MUC5B: variants seen among roughly 807,000 people sequenced by gnomAD.
MUC5B encodes mucin 5B, oligomeric mucus/gel-forming.
In MUC5B, 116 loss-of-function variants were observed where a neutral mutation model predicts 376.9. That is an observed-to-expected ratio of 0.31 (90% CI 0.26 to 0.36). The LOEUF (loss-of-function observed/expected upper bound fraction) is 0.36, where lower values mean the gene tolerates loss of function less well. MUC5B is among the 10% of genes least tolerant of loss of function. MUC5B has a pLI of 1.00. For synonymous variants in MUC5B, 3,517 were observed against 3,390.9 expected, an observed-to-expected ratio of 1.04 and a Z score of -1.29; for missense variants, 7,165 against 7,769.9, an observed-to-expected ratio of 0.92 and a Z score of 2.93.
At position 1,234,483 on chromosome 11, in the gene MUC5B, C is replaced by A; in HGVS notation, c.2479-46C>A. 1.3e-6 allele frequency: 2 copies of A among 1,552,498 alleles called. No homozygotes were observed. The highest frequency in any genetic ancestry group is 1.2e-5 in the South Asian group (1 of 83,886). ...GTCCCAGAGGGTGAGTGACATCTGC[C>A]CACCCTGGTGTCCAGCCCTGACCGG... On this transcript the variant is annotated intron_variant, in intron 20 of 48. Transcript: ENST00000529681. This position sits in a 1 kb window ranked among gnomAD's most constrained non-coding sequence, Gnocchi z 6.3.
rs139052978 is a variant in MUC5B, at chr11:1,245,928, G to A, written c.9048G>A (p.Pro3016=). 0.023 allele frequency: 36,908 copies of A among 1,608,322 alleles called. 599 individuals are homozygous for A. Among genetic ancestry groups the A allele is most frequent in the Non-Finnish European group, 0.027 (31,523 of 1,177,904 alleles). Reference sequence around the variant, plus strand: ...CCACGGCCATCCCGTCCTCCACCCCGGGAACAGCTCCCCCTCCCAAAGTGC... The same window carrying A: ...CCACGGCCATCCCGTCCTCCACCCCAGGAACAGCTCCCCCTCCCAAAGTGC... ...TGSTAIPSST[P]GTAPPPKVLT... The change falls in exon 31 of 49, where the codon CCG becomes CCA. Residue 3016 remains proline (P), a synonymous_variant. Transcript: ENST00000529681.
At chr11:1,239,112 C>T in intron 26 of MUC5B, 85 bp downstream of exon 26, 1 of 1,487,900 alleles carries the variant, frequency 6.7e-7, no homozygotes, top group Non-Finnish European at 9.1e-7. Flanking sequence ...GGTGCATTGA[C>T]CTGGGCCTGA....
chr11:1,242,695 C>T lies in MUC5B; in HGVS notation c.5815C>T (p.Leu1939=). The T allele has an allele frequency of 1.2e-6, 2 of 1,613,720 alleles. No individual in the cohort carries two copies. Among genetic ancestry groups the T allele is most frequent in the Non-Finnish European group, 1.7e-6 (2 of 1,179,782 alleles). ...GAGAACAGCTCCCCCTCCCAAAGTG[C>T]TGACCACCACGGCCACCACACCCAC... The part of the protein sequence containing the change: ...TLRTAPPPKV[L]TTTATTPTVT... The change falls in exon 31 of 49, where the codon CTG becomes TTG. Residue 1939 remains leucine (L), a synonymous_variant. Coordinates refer to ENST00000529681, the MANE Select transcript of MUC5B (RefSeq NM_002458.3).
Position 1,231,018 on chromosome 11 carries a change from C to A in MUC5B, c.1540+13C>A, listed in dbSNP as rs1431757120. On this transcript the variant is annotated intron_variant, in intron 13 of 48. Transcript: ENST00000529681. Reference sequence around the variant, plus strand: ...CCCCTGTCGGCAGGTATGTGGCTCTCCCAGGACGGCCGGGCTGGGTGGCGC... The same window carrying A: ...CCCCTGTCGGCAGGTATGTGGCTCTACCAGGACGGCCGGGCTGGGTGGCGC... 6.3e-7 allele frequency: 1 copy of A among 1,578,866 alleles called. No individual in the cohort carries two copies.
chr11:1,234,819 C>A lies in MUC5B; in HGVS notation c.2630+139C>A. 1 of 1,149,886 alleles carries A rather than the reference C, an allele frequency of 8.7e-7. No individual in the cohort carries two copies. The highest frequency in any genetic ancestry group is 1.2e-6 in the Non-Finnish European group (1 of 836,826). The allele number at this position is 1,149,886 out of a possible 1,614,324, so 71.2% of individuals were successfully genotyped here. A position where few individuals can be genotyped will look rare whatever the true frequency, so the allele number is the denominator to read the frequency against. On this transcript the variant is annotated intron_variant, in intron 21 of 48. Transcript: ENST00000529681. The surrounding 1 kb of genome is among the most constrained non-coding windows in gnomAD (Gnocchi z 6.3). ...TGGCCAGGGTGAGGTGGGGCCGTGG[C>A]AGGAGAGAGAGTTGCTAGGAAAGCC...
chr11:1,230,701 T>TC (rs1198990194), intron 12 of MUC5B, 101 bp downstream of exon 12: 1 of 1,080,358 alleles, frequency 9.3e-7, no homozygotes, highest in East Asian at 2.7e-5. Context: ...CGAGGCCAGG[T>TC]CCCCCCTCCA....
At chr11:1,239,388 G>A in intron 26 of MUC5B, 50 bp from the exon 27 acceptor site, 1 of 1,568,280 alleles carries the variant, frequency 6.4e-7, no homozygotes, top group Non-Finnish European at 8.7e-7. Context: ...CTGCACAACA[G>A]GGGTGAGGGC....
Position 1,242,860 on chromosome 11 carries a change from C to T in MUC5B, c.5980C>T (p.Arg1994Cys), listed in dbSNP as rs1410463916. 3.0e-5 allele frequency: 48 copies of T among 1,613,236 alleles called. No homozygotes were observed. The highest frequency in any genetic ancestry group is 1.0e-4 in the Admixed American group (6 of 59,972). The part of the protein sequence containing the change: ...PSSSLGTTWT[R>C]LSQTTTPTAT... ...TTCCTCCCTGGGCACCACCTGGACC[C>T]GCCTATCACAGACCACCACACCCAC... Residue 1994 changes from arginine (R) to cysteine (C), a missense_variant, in exon 31 of 49, where the codon CGC (arginine) becomes TGC (cysteine). By Grantham distance (180) the Arg-to-Cys change is radical. Coordinates refer to ENST00000529681, the MANE Select transcript of MUC5B (RefSeq NM_002458.3).
chr11:1,231,030 G>C (rs757637514), intron 13 of MUC5B, 25 bp downstream of exon 13: 1 of 1,561,412 alleles, frequency 6.4e-7, no homozygotes, highest in East Asian at 2.4e-5. Flanking sequence ...CAGGACGGCC[G>C]GGCTGGGTGG....
intron 1 of MUC5B, chr11:1,223,433 A>C: frequency 6.8e-6 from 4 of 586,720 alleles, no homozygotes; most frequent in East Asian, 3.4e-5. Context: ...TGGGCCCCTG[A>C]CCGCAGGGCA....
chr11:1,252,276 T>C, intron 31 of MUC5B, 67 bp from the exon 32 acceptor site: 1 of 1,458,070 alleles, frequency 6.9e-7, no homozygotes, highest in Non-Finnish European at 9.2e-7. Context: ...CTGCCTTTGC[T>C]CTCCCAGAAC....
At position 1,259,768 on chromosome 11, in the gene MUC5B, AAG is replaced by A; in HGVS notation, c.16731_16732del (p.Arg5577SerfsTer26). ...NTTCPQGFEY[K>X]RVAGQCCGEC... ...CATGTCCCCACAGGGCTTTGAGTACAAGAGAGTGGCCGGGCAGTGCTGTGGGG... is the reference window on the plus strand; with the variant it reads ...CATGTCCCCACAGGGCTTTGAGTACAAGAGTGGCCGGGCAGTGCTGTGGGG... On this transcript the variant is annotated frameshift_variant, in exon 45 of 49. Transcript: ENST00000529681. LOFTEE classifies it high-confidence loss of function. The A allele has an allele frequency of 6.2e-7, 1 of 1,612,422 alleles. No individual in the cohort carries two copies. The highest frequency in any genetic ancestry group is 8.5e-7 in the Non-Finnish European group (1 of 1,179,646).
Position 1,257,121 on chromosome 11 carries a change from C to T in MUC5B, c.16238-119C>T. On this transcript the variant is annotated intron_variant, in intron 39 of 48. Transcript: ENST00000529681. The surrounding 1 kb of genome is among the most constrained non-coding windows in gnomAD (Gnocchi z 8.9). ...CCACATCTGACACCCCAAAAGTTCTCCAGGGCCTTCCATCCCGGGGGGAAG... is the reference window on the plus strand; with the variant it reads ...CCACATCTGACACCCCAAAAGTTCTTCAGGGCCTTCCATCCCGGGGGGAAG... 1 of 722,978 alleles carries T rather than the reference C, an allele frequency of 1.4e-6. No homozygotes were observed. The highest frequency in any genetic ancestry group is 2.6e-6 in the Non-Finnish European group (1 of 388,008). 44.8% of individuals were successfully genotyped at this position (722,978 alleles called of 1,614,324 possible).
Position 1,247,390 on chromosome 11 carries a change from C to T in MUC5B, c.10510C>T (p.His3504Tyr). The T allele has an allele frequency of 6.2e-7, 1 of 1,610,166 alleles. No homozygotes were observed. The highest frequency in any genetic ancestry group is 8.5e-7 in the Non-Finnish European group (1 of 1,179,032). ...AGCAGCAACCACCAGTACCACCCAG[C>T]ACTCGACTCCAGCCCTGTCCAGCCC... is the stretch of plus-strand genomic sequence containing the variant. Reference protein sequence around the residue: ...TPAATTSTTQHSTPALSSPHP... With the variant: ...TPAATTSTTQYSTPALSSPHP... Residue 3504 changes from histidine to tyrosine, a missense_variant, in exon 31 of 49, where the codon CAC (histidine) becomes TAC (tyrosine). His to Tyr is a moderately conservative substitution (Grantham distance 83). Around this residue, in one of 31 missense-constraint regions of MUC5B, gnomAD observed 939 missense variants for 770.6 expected, o/e 1.22. Coordinates refer to ENST00000529681, the MANE Select transcript of MUC5B (RefSeq NM_002458.3).
At chr11:1,230,842 C>T in intron 12 of MUC5B, 94 bp from the exon 13 acceptor site, 1 of 1,433,386 alleles carries the variant, frequency 7.0e-7, no homozygotes, top group Non-Finnish European at 9.6e-7. Context: ...GGGCTCTGTC[C>T]CCAGTGGGGG....
chr11:1,232,576 G>A (rs1442161252), intron 16 of MUC5B, 32 bp downstream of exon 16: 1 of 1,604,504 alleles, frequency 6.2e-7, no homozygotes, highest in Non-Finnish European at 8.5e-7. Flanking sequence ...CCCACGCCTG[G>A]GCAGGATGGG....
Position 1,232,682 on chromosome 11 carries a change from G to A in MUC5B, c.1977G>A (p.Glu659=), listed in dbSNP as rs1423899284. 6.2e-7 allele frequency: 1 copy of A among 1,600,618 alleles called. No homozygotes were observed. The highest frequency in any genetic ancestry group is 1.7e-5 in the Admixed American group (1 of 58,288). The change falls in exon 17 of 49, where the codon GAG becomes GAA. Residue 659 remains glutamate (E), a synonymous_variant. Transcript: ENST00000529681. ...MFDTCNCERS[E]DCLCAALSSY... is the part of the protein sequence containing the mutation. The stretch of plus-strand genomic sequence containing the variant: ...ACACCTGCAACTGTGAGCGGAGCGA[G>A]GACTGCCTGTGCGCCGCGCTGTCCT...
rs1862520321 is a variant in MUC5B, at chr11:1,247,425, C to T, written c.10545C>T (p.Ser3515=). The change falls in exon 31 of 49, where the codon AGC becomes AGT. Residue 3515 remains serine, a synonymous_variant. Coordinates refer to ENST00000529681, the MANE Select transcript of MUC5B (RefSeq NM_002458.3). ...CAGCCCTGTCCAGCCCTCACCCTAG[C>T]AGCAGGACCACCGAGTCACCCCCTT... ...STPALSSPHP[S]SRTTESPPSP... The T allele has an allele frequency of 6.2e-7, 1 of 1,609,096 alleles. No individual in the cohort carries two copies. Among genetic ancestry groups the T allele is most frequent in the Admixed American group, 1.7e-5 (1 of 59,722 alleles).
In MUC5B at chr11:1,229,205, T is replaced by C. The variant is rs1662946390; in HGVS notation, c.1012T>C (p.Cys338Arg). 1 of 1,599,304 alleles carries C rather than the reference T, an allele frequency of 6.3e-7. No homozygotes were observed. The highest frequency in any genetic ancestry group is 8.5e-7 in the Non-Finnish European group (1 of 1,176,450). Residue 338 changes from cysteine to arginine, a missense_variant, in exon 9 of 49, where the codon TGT becomes CGT. By Grantham distance (180) the Cys-to-Arg change is radical. Around this residue, in one of 31 missense-constraint regions of MUC5B, gnomAD observed 640 missense variants for 733.0 expected, o/e 0.87. Transcript: ENST00000529681. ...CCCCCTCAACATGCAGCACCAGGAG[T>C]GTGGCTCACCCTGCACGGACACCTG... is the stretch of plus-strand genomic sequence containing the variant. ...TCPLNMQHQE[C>R]GSPCTDTCSN...
Sources: gnomAD v4.1 joint callset for allele counts on GRCh38, gnomAD v4.1.1 for gene constraint, gnomAD v4.1.1 regional missense constraint, Gnocchi (gnomAD v3.1) non-coding constraint, MANE v1.5 for transcripts, NCBI Gene and HGNC (gene_info 2026-07-23, HGNC 2026-07-21) for gene names.